KLC1: variants seen among roughly 807,000 people sequenced by gnomAD.
KLC1 encodes the protein kinesin light chain 1, also known as kinesin 2 60/70kDa.
A neutral mutation model predicts 84.2 loss-of-function variants in KLC1; 30 were observed. That is an observed-to-expected ratio of 0.36 (90% confidence interval 0.27 to 0.48). KLC1 has a LOEUF of 0.48. KLC1 is among the 20% of genes least tolerant of loss of function. The pLI is 0.99. For synonymous variants in KLC1, 289 were observed against 293.3 expected, an observed-to-expected ratio of 0.99 and a Z score of 0.15; for missense variants, 499 against 805.4, an observed-to-expected ratio of 0.62 and a Z score of 4.60.
At chr14:103,653,436 C>T (rs985848383) in intron 1 of KLC1, among the ~76,000 whole-genome samples, 2 of 152,110 alleles carry the variant, frequency 1.3e-5, no homozygotes, top group African/African-American at 4.8e-5. Flanking sequence ...ATTCTCGTGC[C>T]TCAGCCCCCT....
At position 103,657,604 on chromosome 14, in the gene KLC1, G is replaced by A. The variant is rs766224068; in HGVS notation, c.320G>A (p.Arg107His). 1.1e-5 allele frequency: 17 copies of A among 1,614,086 alleles called. No individual in the cohort carries two copies. The highest frequency in any genetic ancestry group is 8.3e-5 in the Admixed American group (5 of 60,000). The stretch of plus-strand genomic sequence containing the variant: ...GTGGAGTCCGAGAAGCAGAAACTGC[G>A]TGCGCAGGTTCGTCGTCTGTGCCAG... ...NAVESEKQKL[R>H]AQVRRLCQEN... The change falls in exon 3 of 17, where the codon CGT becomes CAT. Residue 107 changes from arginine (R) to histidine (H), a missense_variant. Physicochemically the swap from Arg to His is conservative, Grantham distance 29 (BLOSUM62 0). Transcript: ENST00000334553.
chr14:103,698,125 C>T (rs1165250527), intron 15 of KLC1: 1 of 156,730 alleles, frequency 6.4e-6, no homozygotes, highest in Admixed American at 6.2e-5. Context: ...ACAGGCCACA[C>T]TACTAGAGAC....
Position 103,693,885 on chromosome 14 carries a change from G to A in KLC1, c.1848+1460G>A. The A allele has an allele frequency of 7.5e-7, 1 of 1,339,192 alleles. No individual in the cohort carries two copies. The highest frequency in any genetic ancestry group is 9.6e-7 in the Non-Finnish European group (1 of 1,046,308). The allele number at this position is 1,339,192 out of a possible 1,614,324, so 83.0% of individuals were successfully genotyped here. On this transcript the variant is annotated intron_variant, in intron 15 of 16. Transcript: ENST00000334553. This position sits in a 1 kb window ranked among gnomAD's most constrained non-coding sequence, Gnocchi z 5.1. ...TCAGGGAGGCCGAGGTGGCGCTGAG[G>A]TGGCTTCAGCACGCTGGGGATTGGC... is the stretch of plus-strand genomic sequence containing the variant.
intron 3 of KLC1, among the ~76,000 whole-genome samples, chr14:103,660,635 C>CA (rs1336146900): frequency 1.3e-5 from 2 of 151,408 alleles, no homozygotes; most frequent in African/African-American, 4.9e-5. Flanking sequence ...TTAAAAAATA[C>CA]AAAAAAATTA....
At chr14:103,700,932 A>G (rs2083140647) in intron 16 of KLC1, among the ~76,000 whole-genome samples, 1 of 152,224 alleles carries the variant, frequency 6.6e-6, no homozygotes, top group Admixed American at 6.5e-5. Flanking sequence ...GAATGGCACC[A>G]GGCTCTGCTT....
At chr14:103,695,786 CTG>C (rs1452789256) in intron 15 of KLC1, 1 of 985,346 alleles carries the variant, frequency 1.0e-6, no homozygotes, top group African/African-American at 1.7e-5. Flanking sequence ...TGTGGGAGCA[CTG>C]TGTGTTGGGG....
chr14:103,630,596 G>C (rs1356272143), intron 1 of KLC1, among the ~76,000 whole-genome samples: 1 of 152,134 alleles, frequency 6.6e-6, no homozygotes, highest in Non-Finnish European at 1.5e-5. Context: ...CATTGCACTA[G>C]TTTAGTGAAA....
At chr14:103,666,354 T>C (rs570067126) in intron 5 of KLC1, among the ~76,000 whole-genome samples, 193 of 151,786 alleles carry the variant, frequency 1.3e-3, no homozygotes, top group South Asian at 4.2e-3. Context: ...TGAGCCACCG[T>C]GCCCGGCCCT....
chr14:103,653,055 C>T (rs1010840049), intron 1 of KLC1, among the ~76,000 whole-genome samples: 2 of 152,178 alleles, frequency 1.3e-5, no homozygotes, highest in African/African-American at 4.8e-5. Flanking sequence ...TCTGTCAGTC[C>T]ATCCATTCAC....
intron 11 of KLC1, among the ~76,000 whole-genome samples, chr14:103,676,135 C>T (rs1004419853): frequency 8.5e-5 from 13 of 152,250 alleles, no homozygotes; most frequent in Admixed American, 5.9e-4. Flanking sequence ...GCCTTGTCCT[C>T]TGCAGAGGGA....
chr14:103,675,481 C>T, intron 9 of KLC1, 71 bp from the exon 10 acceptor site: 1 of 1,358,530 alleles, frequency 7.4e-7, no homozygotes, highest in African/African-American at 1.5e-5. Context: ...GGAAATTCCC[C>T]TTAGAGCAGT....
rs184692165 is a variant in KLC1, at chr14:103,701,306, G to A, written c.*107G>A. ...AGGGCCCCTGGCCGGGAGCCGCAGC[G>A]CTCACTCATTTCTCCTGCGTCTGTG... is the stretch of plus-strand genomic sequence containing the variant. On this transcript the variant is annotated 3_prime_UTR_variant, in exon 17 of 17. Coordinates refer to ENST00000334553, the MANE Select transcript of KLC1 (RefSeq NM_001394837.1). 131 of 1,224,992 alleles carry A rather than the reference G, an allele frequency of 1.1e-4. No homozygotes were observed. Among genetic ancestry groups the A allele is most frequent in the East Asian group, 2.3e-4 (9 of 39,378 alleles). The allele number at this position is 1,224,992 out of a possible 1,614,324, so 75.9% of individuals were successfully genotyped here.
chr14:103,688,290 C>A (rs2081906339), intron 14 of KLC1, among the ~76,000 whole-genome samples: 1 of 152,152 alleles, frequency 6.6e-6, no homozygotes, highest in Non-Finnish European at 1.5e-5. Context: ...GCTGGGATTA[C>A]AGGCACATGC....
At chr14:103,684,896 T>C in intron 13 of KLC1, 1 of 716,646 alleles carries the variant, frequency 1.4e-6, no homozygotes, top group Non-Finnish European at 2.6e-6. Context: ...TTTAGCATCC[T>C]TTTTCTCAAG....
chr14:103,696,804 T>G, intron 15 of KLC1: 1 of 985,310 alleles, frequency 1.0e-6, no homozygotes, highest in Non-Finnish European at 1.2e-6. Context: ...TGAGGGAGGG[T>G]CTTCAGGGCA....
At chr14:103,684,693 A>G (rs1195142871) in intron 13 of KLC1, 3 of 285,460 alleles carry the variant, frequency 1.1e-5, no homozygotes, top group Non-Finnish European at 2.0e-5. Context: ...TGCAGAGGGG[A>G]GAGAGAGCAT....
chr14:103,675,760 T>C lies in KLC1; in HGVS notation c.1379+4T>C, dbSNP rs2080818727. On this transcript the variant is annotated splice_donor_region_variant and intron_variant, in intron 11 of 16. Transcript: ENST00000334553. ...ACAAAGCCTGCAAAGTTGATAGGTATGTCTGGAATTGCGTTTGGCTGGAAA... is the reference window on the plus strand; with the variant it reads ...ACAAAGCCTGCAAAGTTGATAGGTACGTCTGGAATTGCGTTTGGCTGGAAA... 1 of 1,613,110 alleles carries C rather than the reference T, an allele frequency of 6.2e-7. No homozygotes were observed. The highest frequency in any genetic ancestry group is 8.5e-7 in the Non-Finnish European group (1 of 1,179,334).
chr14:103,663,502 G>A (rs559526862), intron 5 of KLC1, among the ~76,000 whole-genome samples: 37 of 152,304 alleles, frequency 2.4e-4, no homozygotes, highest in South Asian at 4.1e-4. Context: ...AAACGAAGCT[G>A]TTTTGACCTT....
At chr14:103,696,234 G>A in intron 15 of KLC1, 1 of 985,348 alleles carries the variant, frequency 1.0e-6, no homozygotes, top group Non-Finnish European at 1.2e-6. Flanking sequence ...CAGGCCCCTG[G>A]GGAAGTCCTG....
Sources: allele counts gnomAD v4.1 joint callset (sites outside exome capture counted in the v4.1 genomes callset), GRCh38; gene constraint gnomAD v4.1.1; non-coding constraint Gnocchi (gnomAD v3.1); transcripts MANE v1.5; gene names NCBI Gene and HGNC (gene_info 2026-07-23, HGNC 2026-07-21).